The following EIPR1 variants were observed in gnomAD, a reference collection of about 807,000 sequenced individuals.
EIPR1 encodes EARP complex and GARP complex interacting protein 1, also known as EARP and GARP complex-interacting protein 1.
Under a neutral mutation model 48.1 loss-of-function variants are expected in EIPR1, and 25 were observed. That is an observed-to-expected ratio of 0.52 (90% CI 0.38 to 0.73). The LOEUF is 0.73. EIPR1 is among the 30% of genes least tolerant of loss of function. EIPR1 has a pLI of 0.00. For synonymous variants in EIPR1, 204 were observed against 201.9 expected (o/e 1.01, Z -0.09); for missense variants, 415 against 506.2 (o/e 0.82, Z 1.73).
intron 5 of EIPR1, among the ~76,000 whole-genome samples, chr2:3,203,234 C>T (rs1158736522): frequency 6.6e-6 from 1 of 152,192 alleles, no homozygotes; most frequent in Non-Finnish European, 1.5e-5. Context: ...ATGATAATAA[C>T]GTACGTTGAG....
chr2:3,299,915 C>G (rs1425760246), intron 3 of EIPR1, among the ~76,000 whole-genome samples: 1 of 152,122 alleles, frequency 6.6e-6, no homozygotes, highest in African/African-American at 2.4e-5. Context: ...GTGCTCAGAG[C>G]CCAGACTCAG....
At chr2:3,260,435 G>A (rs1186109803) in intron 3 of EIPR1, among the ~76,000 whole-genome samples, 1 of 141,958 alleles carries the variant, frequency 7.0e-6, no homozygotes, top group Non-Finnish European at 1.5e-5. Flanking sequence ...AGGTTGCAGT[G>A]AGCTAAGATT....
At chr2:3,239,740 G>A (rs1016280563) in intron 4 of EIPR1, among the ~76,000 whole-genome samples, 8 of 150,220 alleles carry the variant, frequency 5.3e-5, no homozygotes, top group Non-Finnish European at 8.9e-5. Context: ...CCCTCAGCAC[G>A]GTGCAGACAC....
intron 4 of EIPR1, among the ~76,000 whole-genome samples, chr2:3,250,778 C>T (rs1450389068): frequency 6.6e-6 from 1 of 152,128 alleles, no homozygotes; most frequent in Non-Finnish European, 1.5e-5. Context: ...CCACAAGATT[C>T]GCTTGTTTAA....
intron 4 of EIPR1, among the ~76,000 whole-genome samples, chr2:3,229,906 T>A (rs985753512): frequency 2.0e-5 from 3 of 152,246 alleles, no homozygotes; most frequent in African/African-American, 7.2e-5. Context: ...TGACTTTCTG[T>A]GCTATAGATA....
intron 3 of EIPR1, among the ~76,000 whole-genome samples, chr2:3,309,698 CG>C (rs1403923918): frequency 2.0e-5 from 3 of 152,110 alleles, no homozygotes; most frequent in African/African-American, 7.2e-5. Context: ...TGAAAATGGC[CG>C]GCGCTCGACC....
intron 3 of EIPR1, among the ~76,000 whole-genome samples, chr2:3,273,023 C>T (rs193128624): frequency 7.6e-4 from 116 of 152,316 alleles, no homozygotes; most frequent in Non-Finnish European, 1.4e-3. Flanking sequence ...ATGTCAAGAG[C>T]TATCTACGCG....
intron 4 of EIPR1, among the ~76,000 whole-genome samples, chr2:3,216,735 C>T (rs1665651630): frequency 6.6e-6 from 1 of 152,142 alleles, no homozygotes; most frequent in Non-Finnish European, 1.5e-5. Context: ...TCTATGTTCC[C>T]CACAATGACT....
chr2:3,300,428 G>C (rs1228001606), intron 3 of EIPR1, among the ~76,000 whole-genome samples: 1 of 152,100 alleles, frequency 6.6e-6, no homozygotes, highest in East Asian at 1.9e-4. Flanking sequence ...CAGGATGCAA[G>C]CACCCCTCCT....
Position 3,338,139 on chromosome 2 carries a change from A to G in EIPR1, c.137T>C (p.Ile46Thr). The G allele has an allele frequency of 6.2e-7, 1 of 1,610,142 alleles. No homozygotes were observed. Among genetic ancestry groups the G allele is most frequent in the Non-Finnish European group, 8.5e-7 (1 of 1,179,228 alleles). The change falls in exon 3 of 9, where the codon ATA (isoleucine) becomes ACA (threonine). Residue 46 changes from isoleucine to threonine, a missense_variant. Transcript: ENST00000382125. ...SLKYDNQIHI[I>T]DFDDENNIIN... Reference sequence around the variant, plus strand: ...AATGTTGTTTTCATCGTCAAAATCTATGATATGGATCTACAAATACAAGAA... The same window carrying G: ...AATGTTGTTTTCATCGTCAAAATCTGTGATATGGATCTACAAATACAAGAA...
intron 4 of EIPR1, among the ~76,000 whole-genome samples, chr2:3,222,645 G>A (rs1358545905): frequency 1.3e-5 from 2 of 152,192 alleles, no homozygotes; most frequent in Non-Finnish European, 2.9e-5. Context: ...ACAGGGAAAT[G>A]AAGGAAGGTC....
chr2:3,308,372 A>C (rs1199870472), intron 3 of EIPR1, among the ~76,000 whole-genome samples: 1 of 152,238 alleles, frequency 6.6e-6, no homozygotes, highest in Admixed American at 6.5e-5. Context: ...AAATTTCAAC[A>C]AAGAGATGAA....
intron 5 of EIPR1, among the ~76,000 whole-genome samples, chr2:3,198,818 G>A (rs1664899979): frequency 6.6e-6 from 1 of 152,172 alleles, no homozygotes; most frequent in Admixed American, 6.5e-5. Context: ...AGGTCAGGGT[G>A]AGATCACAAG....
intron 7 of EIPR1, among the ~76,000 whole-genome samples, 155 bp from the exon 8 acceptor site, chr2:3,192,736 T>C (rs971734348): frequency 6.6e-6 from 1 of 152,164 alleles, no homozygotes; most frequent in African/African-American, 2.4e-5. Flanking sequence ...ATAAGGCAGT[T>C]TTCCGCTGAG....
intron 3 of EIPR1, among the ~76,000 whole-genome samples, chr2:3,328,072 T>C (rs1413372679): frequency 2.0e-5 from 3 of 152,056 alleles, no homozygotes; most frequent in Non-Finnish European, 2.9e-5. Flanking sequence ...GCCAGAGCCA[T>C]AGAAAGGCAC....
chr2:3,281,924 T>A (rs757354602), intron 3 of EIPR1, among the ~76,000 whole-genome samples: 25 of 152,318 alleles, frequency 1.6e-4, no homozygotes, highest in South Asian at 4.1e-4. Flanking sequence ...TAGAGACCCT[T>A]TTTAAGCACT....
In EIPR1 at chr2:3,269,418, CTCAATCAT is replaced by C. The variant is rs1316483193; in HGVS notation, c.260-11971_260-11964del. ...TCAGTCATCGCACTCAATCATCGCA[CTCAATCAT>C]CACACTCAATCATCACCACACTCAA... On this transcript the variant is annotated intron_variant, in intron 3 of 8. Transcript: ENST00000382125. 3.7e-3 allele frequency among the ~76,000 whole-genome samples: 256 copies of C among 69,154 alleles called. 67 individuals are homozygous for C. The highest frequency in any genetic ancestry group is 0.011 in the Middle Eastern group (1 of 88). The allele number at this position is 69,154 out of a possible 152,430, so 45.4% of individuals were successfully genotyped here. A position where few individuals can be genotyped will look rare whatever the true frequency, so the allele number is the denominator to read the frequency against.
At chr2:3,238,088 G>A (rs1289797483) in intron 4 of EIPR1, among the ~76,000 whole-genome samples, 1 of 152,046 alleles carries the variant, frequency 6.6e-6, no homozygotes, top group African/African-American at 2.4e-5. Context: ...AAATTTGGCT[G>A]GACACTGAAA....
chr2:3,199,058 AGG>A lies in EIPR1; in HGVS notation c.517-2043_517-2042del, dbSNP rs140749873. On this transcript the variant is annotated intron_variant, in intron 5 of 8. Transcript: ENST00000382125. Reference sequence around the variant, plus strand: ...GACACCCCCAGAGTGGCCATTTTAGAGGGCCCCCCCCCCGCCCCGGGAATGCA... The same window carrying A: ...GACACCCCCAGAGTGGCCATTTTAGAGCCCCCCCCCCGCCCCGGGAATGCA... Among the ~76,000 whole-genome samples the A allele has an allele frequency of 9.0e-3, 281 of 31,144 alleles. 65 individuals are homozygous for A. The highest frequency in any genetic ancestry group is 0.03 in the African/African-American group (262 of 8,790). The allele number at this position is 31,144 out of a possible 152,430, so 20.4% of individuals were successfully genotyped here.
Sources: allele counts gnomAD v4.1 joint callset (sites outside exome capture counted in the v4.1 genomes callset), GRCh38; gene constraint gnomAD v4.1.1; transcripts MANE v1.5; gene names NCBI Gene and HGNC (gene_info 2026-07-23, HGNC 2026-07-21).